DAB1: variants seen among roughly 807,000 people sequenced by gnomAD.
The protein encoded by DAB1 is disabled homolog 1.
Under a neutral mutation model 64.6 loss-of-function variants are expected in DAB1, and 15 were observed. That is an observed-to-expected ratio of 0.23 (90% CI 0.16 to 0.36). The LOEUF is 0.36. DAB1 is among the 10% of genes least tolerant of loss of function. The pLI, the probability that DAB1 is intolerant of heterozygous loss-of-function variation, is 1.00. For synonymous variants in DAB1, 235 were observed against 251.9 expected (o/e 0.93, Z 0.64); for missense variants, 596 against 706.7 (o/e 0.84, Z 1.78).
intron 1 of DAB1, among the ~76,000 whole-genome samples, chr1:57,297,955 G>A (rs1673338547): frequency 1.3e-5 from 2 of 152,040 alleles, no homozygotes; most frequent in South Asian, 4.2e-4. Flanking sequence ...CTTTCTTCCT[G>A]AGCTCTAAGC....
intron 6 of DAB1, among the ~76,000 whole-genome samples, chr1:57,678,032 G>C (rs1026433850): frequency 2.6e-5 from 4 of 152,094 alleles, no homozygotes; most frequent in African/African-American, 7.2e-5. Context: ...TGGTTCAATT[G>C]GTCTAGGGTA....
At chr1:57,901,222 C>T (rs772298785) in intron 5 of DAB1, among the ~76,000 whole-genome samples, 7 of 152,080 alleles carry the variant, frequency 4.6e-5, no homozygotes, top group African/African-American at 1.7e-4. Flanking sequence ...TTATATTGGC[C>T]TAACCCCTAA....
At chr1:58,382,853 A>C (rs565987534) in intron 3 of DAB1, among the ~76,000 whole-genome samples, 1 of 152,244 alleles carries the variant, frequency 6.6e-6, no homozygotes, top group Admixed American at 6.5e-5. Context: ...AGAGATGAGA[A>C]CCACACAGAC....
chr1:57,812,343 G>GAAAGAAAGA lies in DAB1; in HGVS notation n.551+71647_551+71655dup, dbSNP rs1553131585. Reference sequence around the variant, plus strand: ...CCAAAAAAAAAAAAAAAAAAAGAAAGAAAGAAAGAAAAGAAAGAAAGAAAA... The same window carrying GAAAGAAAGA: ...CCAAAAAAAAAAAAAAAAAAAGAAAGAAAGAAAGAAAAGAAAGAAAAGAAAGAAAGAAAA... On this transcript the variant is annotated intron_variant and non_coding_transcript_variant, in intron 6 of 20. Transcript: ENST00000485760. Among the ~76,000 whole-genome samples, 252 of 143,660 alleles carry GAAAGAAAGA rather than the reference G, an allele frequency of 1.8e-3. 1 individual carries two copies. Among genetic ancestry groups the GAAAGAAAGA allele is most frequent in the African/African-American group, 5.9e-3 (231 of 39,022 alleles). 94.2% of individuals were successfully genotyped at this position (143,660 alleles called of 152,430 possible). A position where few individuals can be genotyped will look rare whatever the true frequency, so the allele number is the denominator to read the frequency against.
upstream of DAB1, among the ~76,000 whole-genome samples, chr1:57,885,535 T>G (rs188366771): frequency 9.3e-4 from 141 of 152,320 alleles, 1 homozygote; most frequent in African/African-American, 2.5e-3. Flanking sequence ...TCTATTTTAA[T>G]GAAAGCAGAC....
chr1:57,424,454 C>T (rs1685184259), upstream of DAB1, among the ~76,000 whole-genome samples: 1 of 151,968 alleles, frequency 6.6e-6, no homozygotes. Context: ...AGCGAGGGGT[C>T]CCCGCCCCAG....
chr1:57,525,013 C>A (rs1167136597), intron 7 of DAB1, among the ~76,000 whole-genome samples: 1 of 152,122 alleles, frequency 6.6e-6, no homozygotes, highest in African/African-American at 2.4e-5. Flanking sequence ...AAATGATTTA[C>A]AACCCAAAGT....
intron 4 of DAB1, among the ~76,000 whole-genome samples, chr1:57,075,204 T>C (rs1322298571): frequency 6.6e-6 from 1 of 152,202 alleles, no homozygotes; most frequent in African/African-American, 2.4e-5. Context: ...GGAATTAGAT[T>C]TGGAGATGAT....
At chr1:58,421,554 G>A (rs1382125151) in intron 3 of DAB1, among the ~76,000 whole-genome samples, 1 of 152,228 alleles carries the variant, frequency 6.6e-6, no homozygotes, top group Non-Finnish European at 1.5e-5. Context: ...TTCGGGGAAG[G>A]TAGCAGGAGG....
chr1:57,757,222 G>T, intron 6 of DAB1, among the ~76,000 whole-genome samples: 1 of 52,962 alleles, frequency 1.9e-5, no homozygotes. Context: ...TTTTTTTTTA[G>T]CAGCAATGAT....
intron 4 of DAB1, among the ~76,000 whole-genome samples, chr1:58,283,877 A>G (rs939029471): frequency 6.6e-6 from 1 of 152,182 alleles, no homozygotes; most frequent in African/African-American, 2.4e-5. Flanking sequence ...TCTTTGTCAT[A>G]TTGATTTGTC....
chr1:58,228,749 G>A (rs950362636), intron 4 of DAB1: 19 of 985,906 alleles, frequency 1.9e-5, no homozygotes, highest in African/African-American at 4.9e-5. Context: ...TCAGGCCCAC[G>A]TTGATGGCAT....
At chr1:57,757,212 T>TA (rs1648855266) in intron 6 of DAB1, among the ~76,000 whole-genome samples, 1 of 142,674 alleles carries the variant, frequency 7.0e-6, no homozygotes, top group Non-Finnish European at 1.6e-5. Context: ...TTTTTTTTTT[T>TA]TTTTTTTTAG....
At chr1:58,100,899 A>G (rs1051105988) in intron 5 of DAB1, among the ~76,000 whole-genome samples, 3 of 152,174 alleles carry the variant, frequency 2.0e-5, no homozygotes, top group African/African-American at 7.2e-5. Flanking sequence ...AGAGTCGGGT[A>G]AGGTCCAAAA....
chr1:58,097,001 C>A (rs1651023699), intron 5 of DAB1, among the ~76,000 whole-genome samples: 1 of 152,354 alleles, frequency 6.6e-6, no homozygotes, highest in African/African-American at 2.4e-5. Context: ...CACAGAAAGA[C>A]CACACTGAAG....
intron 7 of DAB1, among the ~76,000 whole-genome samples, chr1:57,499,439 A>G (rs1215440327): frequency 1.6e-4 from 24 of 152,206 alleles, no homozygotes; most frequent in Admixed American, 1.6e-3. Flanking sequence ...AGATATATTT[A>G]TCGCACAGAG....
At chr1:57,754,534 A>G (rs1156396523) in intron 6 of DAB1, among the ~76,000 whole-genome samples, 2 of 151,992 alleles carry the variant, frequency 1.3e-5, no homozygotes, top group Non-Finnish European at 2.9e-5. Context: ...AAAAATGCAA[A>G]AATTAGGCGG....
intron 4 of DAB1, among the ~76,000 whole-genome samples, chr1:58,280,234 C>T (rs1661526265): frequency 6.6e-6 from 1 of 152,204 alleles, no homozygotes; most frequent in South Asian, 2.1e-4. Context: ...CTTTGTCTTC[C>T]ATGCTCTGCT....
chr1:57,659,201 A>G (rs1646355161), intron 6 of DAB1, among the ~76,000 whole-genome samples: 1 of 152,170 alleles, frequency 6.6e-6, no homozygotes, highest in Non-Finnish European at 1.5e-5. Flanking sequence ...ATCTGCTGAC[A>G]CCACAGTTAG....
Sources: gnomAD v4.1 joint callset for allele counts (sites outside exome capture counted in the v4.1 genomes callset) on GRCh38, gnomAD v4.1.1 for gene constraint, MANE v1.5 for transcripts, NCBI Gene and HGNC (gene_info 2026-07-23, HGNC 2026-07-21) for gene names.